Variants in VWF observed in about 807,000 individuals in gnomAD.
VWF encodes Factor VIII related antigen.
Under a neutral mutation model 308.6 loss-of-function variants are expected in VWF, and 176 were observed. That is an observed-to-expected ratio of 0.57 (90% CI 0.50 to 0.65). The LOEUF (loss-of-function observed/expected upper bound fraction) is 0.65, where lower values mean the gene tolerates loss of function less well. VWF is among the 30% of genes least tolerant of loss of function. The pLI is 0.00. For synonymous variants in VWF, 1,385 were observed against 1,443.4 expected (o/e 0.96, Z 0.92); for missense variants, 3,146 against 3,648.2 (o/e 0.86, Z 3.55).
At chr12:5,991,365 A>G (rs1943741036) in intron 38 of VWF, among the ~76,000 whole-genome samples, 1 of 152,198 alleles carries the variant, frequency 6.6e-6, no homozygotes, top group African/African-American at 2.4e-5. Flanking sequence ...TCACTTGACC[A>G]CAAGTAACTG....
At chr12:6,010,864 A>C (rs1279066368) in intron 34 of VWF, among the ~76,000 whole-genome samples, 4 of 152,252 alleles carry the variant, frequency 2.6e-5, no homozygotes, top group African/African-American at 7.2e-5. Context: ...GTATCTAGTT[A>C]TCAACTGAGA....
intron 6 of VWF, among the ~76,000 whole-genome samples, chr12:6,076,927 G>A (rs1008941896): frequency 8.5e-5 from 13 of 152,164 alleles, no homozygotes; most frequent in Admixed American, 4.6e-4. Context: ...GCACAGGGAC[G>A]TTGGTCCTAA....
At chr12:5,998,336 A>G (rs1943829590) in intron 34 of VWF, among the ~76,000 whole-genome samples, 1 of 151,032 alleles carries the variant, frequency 6.6e-6, no homozygotes. Context: ...AACTCTACTA[A>G]AAATACAAAA....
At chr12:5,953,212 C>T (rs1402225168) in intron 48 of VWF, among the ~76,000 whole-genome samples, 3 of 151,612 alleles carry the variant, frequency 2.0e-5, no homozygotes, top group Non-Finnish European at 4.4e-5. Flanking sequence ...GGCAACAGAG[C>T]AAGACTCCAT....
chr12:6,039,454 C>T (rs1944373502), intron 18 of VWF, among the ~76,000 whole-genome samples: 1 of 152,220 alleles, frequency 6.6e-6, no homozygotes, highest in African/African-American at 2.4e-5. Flanking sequence ...CGTTCATTCT[C>T]CTACCCCATC....
chr12:5,999,177 C>T lies in VWF; in HGVS notation c.5843-2955G>A, dbSNP rs562515467. On this transcript the variant is annotated intron_variant, in intron 34 of 51. Transcript: ENST00000261405. ...TGAAAAGAAGAGAGAAGAGAGTGGG[C>T]AGCAAGCCTAAAATTTCTCTATAAC... 5.5e-4 allele frequency among the ~76,000 whole-genome samples: 83 copies of T among 152,158 alleles called. 2 individuals carry two copies. The highest frequency in any genetic ancestry group is 8.8e-5 in the Non-Finnish European group (6 of 68,032).
chr12:5,983,550 A>G (rs371571451), intron 40 of VWF, among the ~76,000 whole-genome samples: 8 of 151,054 alleles, frequency 5.3e-5, no homozygotes, highest in African/African-American at 1.9e-4. Context: ...GATGGATGAT[A>G]GATAGAGGAT....
At chr12:5,993,738 C>T (rs989760763) in intron 37 of VWF, 124 bp downstream of exon 37, 3 of 827,072 alleles carry the variant, frequency 3.6e-6, no homozygotes, top group Non-Finnish European at 5.9e-6. Context: ...ACTGGAATCC[C>T]AGGTCATACG....
chr12:5,979,019 C>T (rs1377516179), intron 42 of VWF, among the ~76,000 whole-genome samples: 1 of 152,120 alleles, frequency 6.6e-6, no homozygotes, highest in Non-Finnish European at 1.5e-5. Flanking sequence ...GGGAGGACAA[C>T]TTGAATATCA....
At chr12:5,957,534 A>G (rs1219633874) in intron 47 of VWF, among the ~76,000 whole-genome samples, 1 of 152,140 alleles carries the variant, frequency 6.6e-6, no homozygotes, top group Admixed American at 6.5e-5. Flanking sequence ...AAGGGGGGAA[A>G]TGCATACAGG....
At chr12:5,964,217 A>AAAAT (rs772755141) in intron 47 of VWF, among the ~76,000 whole-genome samples, 4,802 of 115,290 alleles carry the variant, frequency 0.042, 314 homozygotes, top group African/African-American at 0.17. Context: ...ACTCTGTCTA[A>AAAAT]AAATACATAC....
At chr12:6,116,507 G>A (rs1945368174) in intron 3 of VWF, among the ~76,000 whole-genome samples, 1 of 152,230 alleles carries the variant, frequency 6.6e-6, no homozygotes, top group Non-Finnish European at 1.5e-5. Flanking sequence ...GGTCTGGTCT[G>A]ACCATGCCAC....
chr12:6,036,508 C>A lies in VWF; in HGVS notation c.2443-17G>T, dbSNP rs778479808. The A allele has an allele frequency of 5.6e-6, 9 of 1,612,152 alleles. No individual in the cohort carries two copies. The highest frequency in any genetic ancestry group is 5.9e-6 in the Non-Finnish European group (7 of 1,178,324). On this transcript the variant is annotated splice_polypyrimidine_tract_variant and intron_variant, in intron 18 of 51. Transcript: ENST00000261405. ...ATGCCGGACCTAAGAGAAAAGAATC[C>A]AAAAGTCCTCAGGGCCACAGTGACT...
chr12:6,069,491 A>G (rs1944757409), intron 10 of VWF, among the ~76,000 whole-genome samples: 1 of 152,110 alleles, frequency 6.6e-6, no homozygotes, highest in African/African-American at 2.4e-5. Context: ...CTCCAGAACC[A>G]TACCGCCTAT....
intron 5 of VWF, among the ~76,000 whole-genome samples, chr12:6,108,913 A>G (rs908387711): frequency 2.6e-5 from 4 of 151,258 alleles, no homozygotes; most frequent in South Asian, 2.1e-4. Context: ...CCCAGGAGGC[A>G]GAGCTTGCAG....
intron 18 of VWF, among the ~76,000 whole-genome samples, chr12:6,036,782 G>T (rs216326): frequency 1.3e-5 from 2 of 152,006 alleles, no homozygotes; most frequent in African/African-American, 4.8e-5. Context: ...CCCTGCTGGG[G>T]CACTGTAACC....
At chr12:6,122,476 T>C (rs1945442562) in intron 2 of VWF, among the ~76,000 whole-genome samples, 1 of 152,132 alleles carries the variant, frequency 6.6e-6, no homozygotes, top group South Asian at 2.1e-4. Flanking sequence ...CTCTAAGTGT[T>C]CTGGGTTCCC....
rs61750588 is a variant in VWF, at chr12:6,018,506, C to G, written c.4912G>C (p.Glu1638Gln). The G allele has an allele frequency of 6.2e-7, 1 of 1,613,806 alleles. No individual in the cohort carries two copies. Among genetic ancestry groups the G allele is most frequent in the Admixed American group, 1.7e-5 (1 of 60,006 alleles). The change falls in exon 28 of 52, where the codon GAG becomes CAG. Residue 1638 changes from glutamate (E) to glutamine (Q), a missense_variant. By Grantham distance (29) the Glu-to-Gln change is conservative. This residue lies in a region of VWF where 853 missense variants were observed against 1,177.8 expected (regional missense o/e 0.72). Transcript: ENST00000261405. ...TTGGGCCAGCCAATCCTCTCCAGCT[C>G]CTGCACGTTGGCATTAGGGCCCACT... Reference protein sequence around the residue: ...IGVGPNANVQELERIGWPNAP... With the variant: ...IGVGPNANVQQLERIGWPNAP...
At chr12:5,993,818 G>C in intron 37 of VWF, 44 bp downstream of exon 37, 1 of 1,591,222 alleles carries the variant, frequency 6.3e-7, no homozygotes, top group South Asian at 1.1e-5. Context: ...AGCAAGCCCA[G>C]TTAGCTGGTC....
Sources: gnomAD v4.1 joint callset for allele counts (sites outside exome capture counted in the v4.1 genomes callset) on GRCh38, gnomAD v4.1.1 for gene constraint, gnomAD v4.1.1 regional missense constraint, MANE v1.5 for transcripts, NCBI Gene and HGNC (gene_info 2026-07-23, HGNC 2026-07-21) for gene names.